The following ZFAND3 variants were observed in gnomAD, a reference collection of about 807,000 sequenced individuals.
ZFAND3 encodes the protein zinc finger AN1-type containing 3, also known as AN1-type zinc finger protein 3.
ZFAND3 carries 10 observed loss-of-function variants against 29.6 expected under a neutral mutation model. That is an observed-to-expected ratio of 0.34 (90% CI 0.21 to 0.57). The LOEUF (loss-of-function observed/expected upper bound fraction) is 0.57. Among genes scored for constraint, ZFAND3 ranks in the 20% least tolerant of loss-of-function variants. The pLI is 0.86. For synonymous variants in ZFAND3, 128 were observed against 112.6 expected (o/e 1.14, Z -0.87); for missense variants, 230 against 304.5 (o/e 0.76, Z 1.82).
intron 2 of ZFAND3, among the ~76,000 whole-genome samples, chr6:37,973,762 G>A (rs1296363629): frequency 6.6e-6 from 1 of 152,176 alleles, no homozygotes; most frequent in Non-Finnish European, 1.5e-5. Context: ...AGAAATTGTT[G>A]TGACTTTTCT....
chr6:38,060,445 C>A (rs1172894280), intron 2 of ZFAND3, among the ~76,000 whole-genome samples: 1 of 150,154 alleles, frequency 6.7e-6, no homozygotes, highest in East Asian at 2.0e-4. Context: ...CCCTCTCCCC[C>A]TCCCCTCCCT....
At chr6:38,080,484 C>T (rs894521818) in intron 3 of ZFAND3, among the ~76,000 whole-genome samples, 1 of 152,028 alleles carries the variant, frequency 6.6e-6, no homozygotes, top group South Asian at 2.1e-4. Flanking sequence ...AGTGATAATA[C>T]ATAATATAAA....
rs78873482 is a variant in ZFAND3, at chr6:38,152,899, A to C, written c.*510A>C. The stretch of plus-strand genomic sequence containing the variant: ...GCCTTGGCCACGGGAGGCTGCTGAG[A>C]TTGGCCACGTGGCTGGGCTGGGTGG... On this transcript the variant is annotated 3_prime_UTR_variant, in exon 6 of 6. Transcript: ENST00000287218. 1.0e-6 allele frequency: 1 copy of C among 985,776 alleles called. No homozygotes were observed. The highest frequency in any genetic ancestry group is 6.1e-5 in the Admixed American group (1 of 16,262). The allele number at this position is 985,776 out of a possible 1,614,324, so 61.1% of individuals were successfully genotyped here.
In ZFAND3 at chr6:38,046,463, C is replaced by T. The variant is rs183605808; in HGVS notation, c.113-15130C>T. 3.1e-3 allele frequency among the ~76,000 whole-genome samples: 469 copies of T among 152,282 alleles called. 3 individuals carry two copies. The highest frequency in any genetic ancestry group is 0.011 in the African/African-American group (446 of 41,548). ...GCATATTCCCAAATGAAAAATATTT[C>T]TAAAATGTGTTAGTTATACCCAATT... On this transcript the variant is annotated intron_variant, in intron 2 of 5. Transcript: ENST00000287218.
Position 38,153,624 on chromosome 6 carries a change from A to T in ZFAND3, c.*1235A>T. On this transcript the variant is annotated 3_prime_UTR_variant, in exon 6 of 6. Coordinates refer to ENST00000287218, the MANE Select transcript of ZFAND3 (RefSeq NM_021943.3). ...TACATTTCTCCACCTGTGCCCCCTC[A>T]TGTTCACAGAGGATTTCAGCAGCTG... The T allele has an allele frequency of 1.0e-6, 1 of 984,378 alleles. No homozygotes were observed. The highest frequency in any genetic ancestry group is 4.7e-5 in the South Asian group (1 of 21,160). The allele number at this position is 984,378 out of a possible 1,614,324, so 61.0% of individuals were successfully genotyped here.
At chr6:37,906,426 C>T (rs193181677) in intron 1 of ZFAND3, among the ~76,000 whole-genome samples, 1 of 152,062 alleles carries the variant, frequency 6.6e-6, no homozygotes, top group Non-Finnish European at 1.5e-5. Context: ...CTTGTTTATC[C>T]AGTAATCAGT....
chr6:37,837,601 T>C (rs1763992942), intron 1 of ZFAND3, among the ~76,000 whole-genome samples: 1 of 151,810 alleles, frequency 6.6e-6, no homozygotes, highest in Admixed American at 6.6e-5. Flanking sequence ...GCCTCCCAGG[T>C]TGAAGCGATT....
intron 2 of ZFAND3, among the ~76,000 whole-genome samples, chr6:37,982,612 G>C (rs985928370): frequency 1.3e-5 from 2 of 152,292 alleles, no homozygotes; most frequent in Admixed American, 1.3e-4. Flanking sequence ...TATATCTACT[G>C]TGCTGCCAGT....
intron 1 of ZFAND3, among the ~76,000 whole-genome samples, chr6:37,849,353 A>G (rs754117632): frequency 1.3e-5 from 2 of 152,216 alleles, no homozygotes; most frequent in Non-Finnish European, 2.9e-5. Context: ...TGTCTTCCCC[A>G]GATGAATTGC....
At chr6:38,018,329 A>T (rs530984488) in intron 2 of ZFAND3, among the ~76,000 whole-genome samples, 2 of 152,368 alleles carry the variant, frequency 1.3e-5, no homozygotes, top group East Asian at 3.9e-4. Flanking sequence ...TTTGTAATAT[A>T]TCACAAGTGA....
At chr6:37,898,148 C>T (rs137893678) in intron 1 of ZFAND3, among the ~76,000 whole-genome samples, 2 of 152,120 alleles carry the variant, frequency 1.3e-5, no homozygotes, top group Non-Finnish European at 2.9e-5. Context: ...GTTCATTCTT[C>T]TAGTTTTATT....
intron 2 of ZFAND3, among the ~76,000 whole-genome samples, chr6:38,005,342 A>G (rs1198573256): frequency 6.6e-6 from 1 of 152,236 alleles, no homozygotes; most frequent in African/African-American, 2.4e-5. Flanking sequence ...GATGGCAGAC[A>G]TTGACAGATG....
At chr6:38,077,250 C>G (rs1764572691) in intron 3 of ZFAND3, among the ~76,000 whole-genome samples, 1 of 151,462 alleles carries the variant, frequency 6.6e-6, no homozygotes, top group Admixed American at 6.6e-5. Context: ...AGAATTGTAG[C>G]CCTTTAATTT....
intron 2 of ZFAND3, among the ~76,000 whole-genome samples, chr6:38,039,977 A>T (rs1044688941): frequency 6.6e-5 from 10 of 152,048 alleles, no homozygotes; most frequent in African/African-American, 1.9e-4. Context: ...TCATTCTCTC[A>T]CCTGAATATT....
chr6:37,927,397 AG>A (rs1219327418), intron 1 of ZFAND3, among the ~76,000 whole-genome samples: 2 of 152,206 alleles, frequency 1.3e-5, no homozygotes, highest in Non-Finnish European at 2.9e-5. Context: ...CCGCATCAGA[AG>A]GGCGCCTGAT....
At chr6:38,031,577 C>T (rs1763559920) in intron 2 of ZFAND3, among the ~76,000 whole-genome samples, 1 of 152,162 alleles carries the variant, frequency 6.6e-6, no homozygotes, top group Admixed American at 6.5e-5. Flanking sequence ...GTCCAGTAGA[C>T]TTGAGTACTT....
At chr6:38,060,197 T>C (rs778812926) in intron 2 of ZFAND3, among the ~76,000 whole-genome samples, 20 of 152,006 alleles carry the variant, frequency 1.3e-4, no homozygotes, top group Non-Finnish European at 2.1e-4. Context: ...TATGCGGGAG[T>C]TCTGAAACCA....
chr6:38,108,264 G>A (rs73730883), intron 4 of ZFAND3, among the ~76,000 whole-genome samples: 4,967 of 152,030 alleles, frequency 0.033, 221 homozygotes, highest in African/African-American at 0.096. Context: ...AAATATGGAG[G>A]GGCGAGTGTA....
intron 1 of ZFAND3, among the ~76,000 whole-genome samples, chr6:37,885,920 G>A (rs1764980988): frequency 6.6e-6 from 1 of 151,878 alleles, no homozygotes; most frequent in Non-Finnish European, 1.5e-5. Context: ...ATACTTCTGA[G>A]CGGAAGCAAC....
Sources: gnomAD v4.1 joint callset for allele counts (sites outside exome capture counted in the v4.1 genomes callset) on GRCh38, gnomAD v4.1.1 for gene constraint, MANE v1.5 for transcripts, NCBI Gene and HGNC (gene_info 2026-07-23, HGNC 2026-07-21) for gene names.